Variants in DLG5 observed in about 807,000 individuals in gnomAD.
DLG5 encodes the protein disks large homolog 5.
A neutral mutation model predicts 189.8 loss-of-function variants in DLG5; 48 were observed. The ratio of observed to expected loss-of-function variants is 0.25; its 90% CI spans 0.20 to 0.32. The LOEUF is 0.32. Among genes scored for constraint, DLG5 ranks in the 10% least tolerant of loss-of-function variants. The probability of loss-of-function intolerance (pLI) is 1.00; values close to 1 mark genes in which losing one functional copy is unlikely to be tolerated. For synonymous variants in DLG5, 1,016 were observed against 1,054.1 expected (o/e 0.96, Z 0.70); for missense variants, 2,160 against 2,544.7 (o/e 0.85, Z 3.25).
chr10:77,904,788 A>T, intron 1 of DLG5, among the ~76,000 whole-genome samples: 1 of 151,792 alleles, frequency 6.6e-6, no homozygotes, highest in East Asian at 1.9e-4. Context: ...AAACAAAAAC[A>T]TGTTGCTCCT....
At chr10:77,921,963 T>C (rs1011446777) in intron 1 of DLG5, among the ~76,000 whole-genome samples, 3 of 152,138 alleles carry the variant, frequency 2.0e-5, no homozygotes, top group African/African-American at 7.2e-5. Flanking sequence ...TAGATGGTAA[T>C]GAGAGCCACT....
At chr10:77,900,771 C>T (rs1326215766) in intron 1 of DLG5, among the ~76,000 whole-genome samples, 1 of 152,166 alleles carries the variant, frequency 6.6e-6, no homozygotes, top group East Asian at 1.9e-4. Context: ...CCCATCTCTA[C>T]TAAAAATATA....
At chr10:77,904,564 C>T (rs911611156) in intron 1 of DLG5, among the ~76,000 whole-genome samples, 8 of 152,048 alleles carry the variant, frequency 5.3e-5, no homozygotes, top group African/African-American at 1.7e-4. Flanking sequence ...GTAACTGAAT[C>T]ATAAGGGCCG....
chr10:77,884,398 T>G (rs1845375191), intron 1 of DLG5, among the ~76,000 whole-genome samples: 1 of 152,146 alleles, frequency 6.6e-6, no homozygotes, highest in Non-Finnish European at 1.5e-5. Context: ...CTGAGTACTG[T>G]GCCTAAAGCC....
chr10:77,823,585 C>T (rs942906081), intron 14 of DLG5, among the ~76,000 whole-genome samples: 2 of 149,000 alleles, frequency 1.3e-5, no homozygotes, highest in Non-Finnish European at 3.0e-5. Flanking sequence ...GGCTGGAGTG[C>T]AAAGGCGTGA....
At chr10:77,933,744 T>G in the DLG5 span, among the ~76,000 whole-genome samples, 2 of 151,396 alleles carry the variant, frequency 1.3e-5, no homozygotes, top group South Asian at 4.2e-4. Context: ...ATTGCGTTTC[T>G]TTTCTATATT....
chr10:77,892,623 C>A (rs1032411259), intron 1 of DLG5, among the ~76,000 whole-genome samples: 1 of 152,178 alleles, frequency 6.6e-6, no homozygotes, highest in Non-Finnish European at 1.5e-5. Context: ...TACTATATTG[C>A]CAATGACTGT....
At chr10:77,806,981 G>C in intron 25 of DLG5, 53 bp from the exon 26 acceptor site, 3 of 1,576,184 alleles carry the variant, frequency 1.9e-6, no homozygotes, top group South Asian at 1.1e-5. Context: ...CACCAAGGAC[G>C]AACCAGGTGC....
chr10:77,826,405 C>T (rs887970501), intron 13 of DLG5, among the ~76,000 whole-genome samples: 6 of 151,762 alleles, frequency 4.0e-5, no homozygotes, highest in Admixed American at 6.6e-5. Context: ...GAGGGCAGAT[C>T]GTTTGAGGTC....
At chr10:77,853,921 A>C (rs2154576682) in intron 4 of DLG5, among the ~76,000 whole-genome samples, 1 of 152,348 alleles carries the variant, frequency 6.6e-6, no homozygotes, top group African/African-American at 2.4e-5. Context: ...TACAGGAAGA[A>C]GCTGCAGTAG....
chr10:77,873,502 C>A (rs1051246153), intron 1 of DLG5, among the ~76,000 whole-genome samples: 5 of 151,978 alleles, frequency 3.3e-5, no homozygotes, highest in Admixed American at 2.6e-4. Context: ...CTGTTTACCC[C>A]GTGACTCAGT....
At position 77,856,876 on chromosome 10, in the gene DLG5, C is replaced by T. The variant is rs747382442; in HGVS notation, c.390G>A (p.Ala130=). The change falls in exon 3 of 32, where the codon GCG becomes GCA. Residue 130 remains alanine (A), a synonymous_variant. Coordinates refer to ENST00000372391, the MANE Select transcript of DLG5 (RefSeq NM_004747.4). Reference sequence around the variant, plus strand: ...CAGTGAGGAGGGGTGGTGGGGACGGCGCCTTCCCGGTAGTGCCTGTGGAAG... The same window carrying T: ...CAGTGAGGAGGGGTGGTGGGGACGGTGCCTTCCCGGTAGTGCCTGTGGAAG... The part of the protein sequence containing the change: ...SLSSVGTTGK[A]PSPPPLLTDQ... 12 of 1,611,378 alleles carry T rather than the reference C, an allele frequency of 7.4e-6. No individual in the cohort carries two copies. The highest frequency in any genetic ancestry group is 2.1e-4 in the Middle Eastern group (1 of 4,720).
intron 5 of DLG5, among the ~76,000 whole-genome samples, chr10:77,845,610 G>GGGAA (rs1285706111): frequency 2.0e-5 from 3 of 151,224 alleles, no homozygotes; most frequent in Non-Finnish European, 4.4e-5. Flanking sequence ...GAGGGAAGAA[G>GGGAA]GGAAGGAAGG....
chr10:77,891,581 C>G (rs1420373852), intron 1 of DLG5, among the ~76,000 whole-genome samples: 2 of 145,496 alleles, frequency 1.4e-5, no homozygotes. Flanking sequence ...CAGACACACA[C>G]ACACACACAC....
At chr10:77,799,331 C>A (rs1460386960) in intron 27 of DLG5, among the ~76,000 whole-genome samples, 1 of 152,204 alleles carries the variant, frequency 6.6e-6, no homozygotes, top group African/African-American at 2.4e-5. Context: ...AGTGTGACTA[C>A]CTTTGGAGAC....
intron 2 of DLG5, among the ~76,000 whole-genome samples, chr10:77,862,271 C>T (rs144902293): frequency 7.2e-4 from 109 of 152,190 alleles, no homozygotes; most frequent in African/African-American, 2.4e-3. Flanking sequence ...ATGCCCTCTA[C>T]TGAGTTAATC....
chr10:77,921,667 C>T (rs907038557), intron 1 of DLG5, among the ~76,000 whole-genome samples: 1 of 152,194 alleles, frequency 6.6e-6, no homozygotes, highest in African/African-American at 2.4e-5. Flanking sequence ...CACACGTCCT[C>T]CCTCCATGGC....
intron 27 of DLG5, among the ~76,000 whole-genome samples, chr10:77,802,046 C>G (rs371027155): frequency 4.6e-4 from 70 of 152,284 alleles, no homozygotes; most frequent in African/African-American, 1.6e-3. Context: ...GATGTGGCCA[C>G]AGCAAAGGCT....
intron 1 of DLG5, among the ~76,000 whole-genome samples, chr10:77,892,892 A>C (rs1252438748): frequency 6.6e-6 from 1 of 152,262 alleles, no homozygotes; most frequent in Non-Finnish European, 1.5e-5. Context: ...AGCCAAGGAC[A>C]AACAAAGCTG....
Sources: gnomAD v4.1 joint callset for allele counts (sites outside exome capture counted in the v4.1 genomes callset) on GRCh38, gnomAD v4.1.1 for gene constraint, MANE v1.5 for transcripts, NCBI Gene and HGNC (gene_info 2026-07-23, HGNC 2026-07-21) for gene names.